The following SLC26A11 variants were observed in gnomAD, a reference collection of about 807,000 sequenced individuals.
SLC26A11 encodes solute carrier family 26 member 11.
SLC26A11 carries 58 observed loss-of-function variants against 62.2 expected under a neutral mutation model. The observed-to-expected ratio is 0.93, with a 90% CI of 0.76 to 1.16. The LOEUF is 1.16. Ranked by LOEUF, SLC26A11 falls within the 50% of genes most tolerant of loss-of-function variation. The pLI is 0.00. For missense variants in SLC26A11, 790 were observed against 794.3 expected (o/e 0.99, Z 0.06); for synonymous variants, 411 against 368.9 (o/e 1.11, Z -1.31).
chr17:80,228,334 T>C lies in SLC26A11; in HGVS notation c.736+374T>C, dbSNP rs754157818. Among the ~76,000 whole-genome samples the C allele has an allele frequency of 2.0e-5, 3 of 152,146 alleles. No homozygotes were observed. The highest frequency in any genetic ancestry group is 7.2e-5 in the African/African-American group (3 of 41,434). ...TTATAGTAGAGACGGGGTTTCACCA[T>C]GTTGACCATACTGGTCTCAAACTCC... On this transcript the variant is annotated intron_variant, in intron 7 of 17. Transcript: ENST00000361193. The surrounding 1 kb of genome is among the most constrained non-coding windows in gnomAD (Gnocchi z 4.1).
chr17:80,221,474 G>A (rs754905857), intron 2 of SLC26A11, 74 bp from the exon 3 acceptor site: 7 of 1,140,494 alleles, frequency 6.1e-6, no homozygotes, highest in South Asian at 3.2e-5. Context: ...GACACCCGCC[G>A]ACCCTGACCA....
intron 1 of SLC26A11, 176 bp from the exon 2 acceptor site, chr17:80,220,740 C>T (rs2042135059): frequency 6.3e-6 from 1 of 157,486 alleles, no homozygotes; most frequent in African/African-American, 2.4e-5. Context: ...ACCCCAGGAT[C>T]CGGAGCCAGC....
At chr17:80,227,326 C>T (rs2042439157) in intron 6 of SLC26A11, among the ~76,000 whole-genome samples, 1 of 152,238 alleles carries the variant, frequency 6.6e-6, no homozygotes, top group Non-Finnish European at 1.5e-5. Flanking sequence ...GAGCCACCTG[C>T]AGAGAGCATC....
Position 80,222,185 on chromosome 17 carries a change from G to C in SLC26A11, c.234+391G>C, listed in dbSNP as rs961428816. ...AGGTCAGGAGATGGAGACCATCCTG[G>C]CTAACAGGGTGAAACCCCGTCTCTA... On this transcript the variant is annotated intron_variant, in intron 3 of 17. Coordinates refer to ENST00000361193, the MANE Select transcript of SLC26A11 (RefSeq NM_001166347.2). The surrounding 1 kb of genome is among the most constrained non-coding windows in gnomAD (Gnocchi z 4.7). 1.9e-5 allele frequency: 4 copies of C among 205,588 alleles called. No individual in the cohort carries two copies. Among genetic ancestry groups the C allele is most frequent in the African/African-American group, 9.3e-5 (4 of 42,992 alleles). The allele number at this position is 205,588 out of a possible 1,614,324, so 12.7% of individuals were successfully genotyped here.
chr17:80,232,960 A>T (rs1012463475), intron 7 of SLC26A11, among the ~76,000 whole-genome samples: 2 of 152,152 alleles, frequency 1.3e-5, no homozygotes, highest in Non-Finnish European at 2.9e-5. Context: ...TAAGAACCTT[A>T]TAACAGGCCA....
Position 80,227,893 on chromosome 17 carries a change from T to C in SLC26A11, c.669T>C (p.Pro223=), listed in dbSNP as rs1157591903. 6.2e-7 allele frequency: 1 copy of C among 1,601,900 alleles called. No individual in the cohort carries two copies. ...LVLKLMRDHV[P]PVHPEMPPGV... is the part of the protein sequence containing the mutation. ...TGAAGCTGATGCGGGACCACGTGCC[T>C]CCCGTCCACCCCGAGATGCCCCCTG... Residue 223 remains proline (P), a synonymous_variant, in exon 7 of 18, where the codon CCT becomes CCC. Coordinates refer to ENST00000361193, the MANE Select transcript of SLC26A11 (RefSeq NM_001166347.2).
Position 80,225,887 on chromosome 17 carries a change from CCA to C in SLC26A11, c.568_569del (p.Thr190LeufsTer11). ...CCAGGCCGTTCTTCCTGCAGGTGTA[CCA>C]CACCTTCCTCAGGATTGCAGAGACC... Reference protein sequence around the residue: ...IPRPFFLQVYHTFLRIAETRV... With the variant: ...IPRPFFLQVYXTFLRIAETRV... On this transcript the variant is annotated frameshift_variant, in exon 6 of 18. Transcript: ENST00000361193. LOFTEE classifies it high-confidence loss of function. The C allele has an allele frequency of 6.2e-7, 1 of 1,613,946 alleles. No individual in the cohort carries two copies. The highest frequency in any genetic ancestry group is 8.5e-7 in the Non-Finnish European group (1 of 1,179,900).
chr17:80,247,618 T>C (rs183869059), intron 13 of SLC26A11, among the ~76,000 whole-genome samples: 128 of 152,354 alleles, frequency 8.4e-4, no homozygotes, highest in Non-Finnish European at 1.5e-3. Context: ...CGCGTGCCAG[T>C]GCGCTGGGGC....
chr17:80,230,265 G>A (rs558295871), intron 7 of SLC26A11, among the ~76,000 whole-genome samples: 13 of 151,276 alleles, frequency 8.6e-5, no homozygotes, highest in Middle Eastern at 6.9e-3. Context: ...GACTTGTTTT[G>A]TATGACTTTA....
intron 7 of SLC26A11, among the ~76,000 whole-genome samples, chr17:80,233,115 G>T (rs945556067): frequency 6.6e-5 from 10 of 151,940 alleles, no homozygotes; most frequent in Non-Finnish European, 7.4e-5. Flanking sequence ...CAGGCATGGT[G>T]GTGCATGCCT....
At position 80,228,020 on chromosome 17, in the gene SLC26A11, G is replaced by T; in HGVS notation, c.736+60G>T. 6.6e-7 allele frequency: 1 copy of T among 1,519,846 alleles called. No homozygotes were observed. The highest frequency in any genetic ancestry group is 8.9e-7 in the Non-Finnish European group (1 of 1,123,274). 94.1% of individuals were successfully genotyped at this position (1,519,846 alleles called of 1,614,324 possible). ...TGGCTGCAGGTTGGGGTCACTTGGG[G>T]AGTCCTAGTCCCACCCTAGGGATTC... On this transcript the variant is annotated intron_variant, in intron 7 of 17. Transcript: ENST00000361193. The surrounding 1 kb of genome is among the most constrained non-coding windows in gnomAD (Gnocchi z 4.1).
chr17:80,251,755 T>G (rs957503885), intron 17 of SLC26A11, among the ~76,000 whole-genome samples: 5 of 146,278 alleles, frequency 3.4e-5, no homozygotes, highest in African/African-American at 1.3e-4. Flanking sequence ...AGAGCGAGAC[T>G]CTGTCTCAAA....
chr17:80,221,306 C>T (rs762182796), intron 2 of SLC26A11, 191 bp downstream of exon 2: 1 of 466,712 alleles, frequency 2.1e-6, no homozygotes, highest in East Asian at 3.5e-5. Context: ...GGACAGAAGG[C>T]ACCCAGGATT....
chr17:80,237,278 C>G (rs563736248), intron 8 of SLC26A11, 175 bp downstream of exon 8: 2 of 867,956 alleles, frequency 2.3e-6, no homozygotes, highest in South Asian at 1.8e-5. Flanking sequence ...GCAAACTCAG[C>G]GAGCTCAGGG....
chr17:80,227,780 C>T (rs1218451342), intron 6 of SLC26A11, 38 bp from the exon 7 acceptor site: 1 of 1,595,086 alleles, frequency 6.3e-7, no homozygotes, highest in South Asian at 1.1e-5. Flanking sequence ...TAGGCCTGGG[C>T]CGAGCTGGGT....
chr17:80,224,372 TGC>T (rs536804384), intron 5 of SLC26A11, among the ~76,000 whole-genome samples: 8,913 of 129,356 alleles, frequency 0.069, 379 homozygotes, highest in African/African-American at 0.14. Flanking sequence ...GGAGTGTGAG[TGC>T]GCGCGCGCGT....
intron 10 of SLC26A11, 137 bp from the exon 11 acceptor site, chr17:80,245,059 G>A: frequency 1.4e-6 from 1 of 707,752 alleles, no homozygotes; most frequent in Non-Finnish European, 2.5e-6. Context: ...GGAGTGCGTA[G>A]GCCCAGGCCC....
intron 10 of SLC26A11, 64 bp downstream of exon 10, chr17:80,241,885 C>G (rs2042874998): frequency 6.4e-7 from 1 of 1,550,504 alleles, no homozygotes; most frequent in African/African-American, 1.4e-5. Context: ...AGGCCTGCCC[C>G]TCTGTGTCTC....
At position 80,222,833 on chromosome 17, in the gene SLC26A11, G is replaced by A. The variant is rs764866670; in HGVS notation, c.413G>A (p.Gly138Glu). 3.1e-6 allele frequency: 5 copies of A among 1,613,892 alleles called. No homozygotes were observed. The African/African-American group carries it at 6.7e-5, about 22-fold the overall frequency. Reference sequence around the variant, plus strand: ...TCCGGCTGCATCCAGCTGGCCATGGGGGTCCTGCGTTTGGGTGAGGCTCTA... The same window carrying A: ...TCCGGCTGCATCCAGCTGGCCATGGAGGTCCTGCGTTTGGGTGAGGCTCTA... ...FLSGCIQLAM[G>E]VLRLGFLLDF... Residue 138 changes from glycine (G) to glutamate (E), a missense_variant, in exon 4 of 18, where the codon GGG becomes GAG. Gly to Glu is a moderately conservative substitution (Grantham distance 98, BLOSUM62 -2). Coordinates refer to ENST00000361193, the MANE Select transcript of SLC26A11 (RefSeq NM_001166347.2). The surrounding 1 kb of genome is among the most constrained non-coding windows in gnomAD (Gnocchi z 4.7).
Sources: gnomAD v4.1 joint callset for allele counts (sites outside exome capture counted in the v4.1 genomes callset) on GRCh38, gnomAD v4.1.1 for gene constraint, Gnocchi (gnomAD v3.1) non-coding constraint, MANE v1.5 for transcripts, NCBI Gene and HGNC (gene_info 2026-07-23, HGNC 2026-07-21) for gene names.